MBIP: variants seen among roughly 807,000 people sequenced by gnomAD.
MBIP encodes the protein MAP3K12 binding inhibitory protein 1.
Under a neutral mutation model 45.7 loss-of-function variants are expected in MBIP, and 32 were observed. That is an observed-to-expected ratio of 0.70 (90% confidence interval 0.53 to 0.94). MBIP has a LOEUF of 0.94. MBIP is among the 40% of genes least tolerant of loss of function. The pLI is 0.00. For missense variants in MBIP, 381 were observed against 405.5 expected (o/e 0.94, Z 0.52); for synonymous variants, 145 against 141.0 (o/e 1.03, Z -0.20).
At chr14:36,308,268 C>A in intron 6 of MBIP, 79 bp from the exon 7 acceptor site, 4 of 717,160 alleles carry the variant, frequency 5.6e-6, no homozygotes, top group Middle Eastern at 3.3e-4. Context: ...AAATACCATG[C>A]AAAGACACTT....
intron 8 of MBIP, 43 bp from the exon 9 acceptor site, chr14:36,299,233 G>A (rs2139190064): frequency 1.5e-6 from 2 of 1,297,438 alleles, no homozygotes; most frequent in East Asian, 2.3e-5. Flanking sequence ...AGATTCTGAA[G>A]TATCTTAATG....
Position 36,316,831 on chromosome 14 carries a change from G to A in MBIP, c.130-19C>T. 6.3e-7 allele frequency: 1 copy of A among 1,587,468 alleles called. No individual in the cohort carries two copies. Among genetic ancestry groups the A allele is most frequent in the Non-Finnish European group, 8.6e-7 (1 of 1,169,472 alleles). ...GGTCAAGCTTCAAAGGGGCAAACCAGCAACATCACAAAAATTACACGATTA... is the reference window on the plus strand; with the variant it reads ...GGTCAAGCTTCAAAGGGGCAAACCAACAACATCACAAAAATTACACGATTA... On this transcript the variant is annotated intron_variant, in intron 1 of 8. Coordinates refer to ENST00000416007, the MANE Select transcript of MBIP (RefSeq NM_016586.3).
At position 36,308,148 on chromosome 14, in the gene MBIP, G is replaced by A. The variant is rs764235671; in HGVS notation, c.832C>T (p.Leu278Phe). 1.2e-6 allele frequency: 2 copies of A among 1,606,048 alleles called. No individual in the cohort carries two copies. Among genetic ancestry groups the A allele is most frequent in the South Asian group, 1.1e-5 (1 of 90,684 alleles). Residue 278 changes from leucine to phenylalanine, a missense_variant, in exon 7 of 9, where the codon CTT (leucine) becomes TTT (phenylalanine). Leu to Phe is a conservative substitution (Grantham distance 22). Coordinates refer to ENST00000416007, the MANE Select transcript of MBIP (RefSeq NM_016586.3). ...PRDIYQRIKK[L>F]EDKILELEGI... is the part of the protein sequence containing the mutation. ...TCCAATTCAAGGATTTTATCCTCAA[G>A]TTTTTTAATTCTCTGATAAATGTCT... is the stretch of plus-strand genomic sequence containing the variant.
intron 2 of MBIP, among the ~76,000 whole-genome samples, chr14:36,315,836 G>A (rs1222265365): frequency 2.0e-5 from 3 of 151,982 alleles, no homozygotes; most frequent in Non-Finnish European, 4.4e-5. Flanking sequence ...CACTAATAAC[G>A]TTCCAATTAT....
At chr14:36,305,431 T>C (rs1485152708) in intron 7 of MBIP, 3 of 152,172 alleles carry the variant, frequency 2.0e-5, no homozygotes, top group Non-Finnish European at 2.9e-5. Flanking sequence ...CTAAAAGATA[T>C]ATAGTTTTTT....
chr14:36,308,317 A>G (rs1303512502), intron 6 of MBIP, 128 bp from the exon 7 acceptor site: 1 of 583,734 alleles, frequency 1.7e-6, no homozygotes, highest in African/African-American at 1.9e-5. Flanking sequence ...AATAAAAAAC[A>G]AAAGTAAAAC....
At chr14:36,315,698 C>G in intron 2 of MBIP, among the ~76,000 whole-genome samples, 1 of 152,042 alleles carries the variant, frequency 6.6e-6, no homozygotes, top group East Asian at 1.9e-4. Flanking sequence ...AGTTCTAGAG[C>G]TCACTGCTCT....
chr14:36,308,546 G>A (rs1021184802), intron 6 of MBIP, among the ~76,000 whole-genome samples: 1 of 152,100 alleles, frequency 6.6e-6, no homozygotes, highest in Non-Finnish European at 1.5e-5. Flanking sequence ...GACAAATGAC[G>A]ATAATTCAAT....
chr14:36,312,660 T>C (rs1445589343), intron 4 of MBIP, among the ~76,000 whole-genome samples: 1 of 152,092 alleles, frequency 6.6e-6, no homozygotes, highest in Non-Finnish European at 1.5e-5. Flanking sequence ...TGTCCCTATT[T>C]TTTTCCAAGC....
In MBIP at chr14:36,320,596, T is replaced by C. The variant is rs1194343540; in HGVS notation, c.-8A>G. 1 of 1,596,310 alleles carries C rather than the reference T, an allele frequency of 6.3e-7. No homozygotes were observed. Among genetic ancestry groups the C allele is most frequent in the East Asian group, 2.3e-5 (1 of 44,004 alleles). ...CTCCGTGGCAGCAGCCATGATATCTTCTCAGGCCGCCCCACCACCACCACC... is the reference window on the plus strand; with the variant it reads ...CTCCGTGGCAGCAGCCATGATATCTCCTCAGGCCGCCCCACCACCACCACC... On this transcript the variant is annotated 5_prime_UTR_variant, in exon 1 of 9. Transcript: ENST00000416007.
chr14:36,316,621 T>C, intron 2 of MBIP, 72 bp downstream of exon 2: 1 of 1,382,036 alleles, frequency 7.2e-7, no homozygotes, highest in Non-Finnish European at 1.0e-6. Context: ...AACTGTCAAA[T>C]ACTCCAACTA....
In MBIP at chr14:36,311,692, G is replaced by C. The variant is rs1397575333; in HGVS notation, c.671C>G (p.Thr224Ser). The change falls in exon 6 of 9, where the codon ACT (threonine) becomes AGT (serine). Residue 224 changes from threonine (T) to serine (S), a missense_variant. Coordinates refer to ENST00000416007, the MANE Select transcript of MBIP (RefSeq NM_016586.3). ...TGACCCTGGAATTCCTTCAGGTCTA[G>C]TCTGTGGTCCGTATGTATTCACAAC... ...SRVVNTYGPQ[T>S]RPEGIPGSGH... is the part of the protein sequence containing the mutation. The C allele has an allele frequency of 6.2e-7, 1 of 1,613,182 alleles. No homozygotes were observed. Among genetic ancestry groups the C allele is most frequent in the Non-Finnish European group, 8.5e-7 (1 of 1,179,486 alleles).
At chr14:36,306,826 T>C (rs985286525) in intron 7 of MBIP, among the ~76,000 whole-genome samples, 1 of 152,186 alleles carries the variant, frequency 6.6e-6, no homozygotes, top group Non-Finnish European at 1.5e-5. Context: ...AAAATCTTTA[T>C]GAAGTCTCCT....
chr14:36,306,926 G>A (rs1053561682), intron 7 of MBIP, among the ~76,000 whole-genome samples: 1 of 152,148 alleles, frequency 6.6e-6, no homozygotes, highest in African/African-American at 2.4e-5. Flanking sequence ...TAGACATCTT[G>A]AAGATCAGAG....
Position 36,314,864 on chromosome 14 carries a change from C to A in MBIP, c.301G>T (p.Val101Phe), listed in dbSNP as rs376443009. 16 of 1,613,390 alleles carry A rather than the reference C, an allele frequency of 9.9e-6. No individual in the cohort carries two copies. The highest frequency in any genetic ancestry group is 1.3e-5 in the African/African-American group (1 of 74,898). Residue 101 changes from valine to phenylalanine, a missense_variant, in exon 3 of 9, where the codon GTT becomes TTT. By Grantham distance (50) the Val-to-Phe change is conservative (BLOSUM62 -1). Coordinates refer to ENST00000416007, the MANE Select transcript of MBIP (RefSeq NM_016586.3). ...SPIKEENTTA[V>F]EEIGRTEMGN... ...ATTTCTGTTCTTCCTATCTCTTCAACAGCAGTTGTATTCTCCTCTTTAATC... is the reference window on the plus strand; with the variant it reads ...ATTTCTGTTCTTCCTATCTCTTCAAAAGCAGTTGTATTCTCCTCTTTAATC...
chr14:36,305,021 G>A (rs1879786197), intron 7 of MBIP: 1 of 152,178 alleles, frequency 6.6e-6, no homozygotes, highest in Non-Finnish European at 1.5e-5. Context: ...GAAGCTATAG[G>A]ACTGTGCTAC....
intron 1 of MBIP, 46 bp downstream of exon 1, chr14:36,320,414 G>T: frequency 3.1e-6 from 5 of 1,612,544 alleles, no homozygotes; most frequent in Non-Finnish European, 3.4e-6. Context: ...TGGCGAGGAG[G>T]GACCGGATGG....
At position 36,314,796 on chromosome 14, in the gene MBIP, G is replaced by T; in HGVS notation, c.369C>A (p.Asp123Glu). 1.9e-6 allele frequency: 3 copies of T among 1,613,188 alleles called. No homozygotes were observed. Among genetic ancestry groups the T allele is most frequent in the Non-Finnish European group, 2.5e-6 (3 of 1,179,642 alleles). ...NEVNDKFSIG[D>E]LQEEEKHKES... ...CTTTGTGCTTTTCTTCCTCTTGTAG[G>T]TCGCCAATGGAAAATTTGTCATTTA... The change falls in exon 3 of 9, where the codon GAC (aspartate) becomes GAA (glutamate). Residue 123 changes from aspartate to glutamate, a missense_variant. By Grantham distance (45) the Asp-to-Glu change is conservative. Transcript: ENST00000416007.
chr14:36,302,951 G>A (rs1879659269), intron 7 of MBIP, among the ~76,000 whole-genome samples: 1 of 152,184 alleles, frequency 6.6e-6, no homozygotes, highest in Non-Finnish European at 1.5e-5. Context: ...GCTCTCTTGT[G>A]ATGCTGGGCA....
Sources: gnomAD v4.1 joint callset for allele counts (sites outside exome capture counted in the v4.1 genomes callset) on GRCh38, gnomAD v4.1.1 for gene constraint, MANE v1.5 for transcripts, NCBI Gene and HGNC (gene_info 2026-07-23, HGNC 2026-07-21) for gene names.